The following KCNMB2 variants were observed in gnomAD, a reference collection of about 807,000 sequenced individuals.
The protein encoded by KCNMB2 is calcium-activated potassium channel subunit beta-2.
Under a neutral mutation model 24.5 loss-of-function variants are expected in KCNMB2, and 9 were observed. The ratio of observed to expected loss-of-function variants is 0.37; its 90% confidence interval spans 0.22 to 0.64. KCNMB2 has a LOEUF of 0.64. Ranked by LOEUF, KCNMB2 falls within the 30% of genes least tolerant of loss-of-function variation. The pLI, the probability that KCNMB2 is intolerant of heterozygous loss-of-function variation, is 0.63. For missense variants in KCNMB2, 226 were observed against 284.3 expected, an observed-to-expected ratio of 0.79 and a Z score of 1.47; for synonymous variants, 109 against 104.4, an observed-to-expected ratio of 1.04 and a Z score of -0.27.
At chr3:178,620,051 A>G (rs1718852525) in intron 1 of KCNMB2, among the ~76,000 whole-genome samples, 1 of 152,196 alleles carries the variant, frequency 6.6e-6, no homozygotes, top group Non-Finnish European at 1.5e-5. Flanking sequence ...ATAATGGTGG[A>G]AGATAGGCAT....
At chr3:178,732,271 GT>G (rs1294702040) in intron 1 of KCNMB2, among the ~76,000 whole-genome samples, 1 of 152,050 alleles carries the variant, frequency 6.6e-6, no homozygotes, top group African/African-American at 2.4e-5. Context: ...TCTACAGTAG[GT>G]TTTTATTATT....
intron 1 of KCNMB2, among the ~76,000 whole-genome samples, chr3:178,768,136 T>C (rs1270348396): frequency 6.6e-6 from 1 of 152,190 alleles, no homozygotes; most frequent in Non-Finnish European, 1.5e-5. Context: ...TTAGCAAATA[T>C]TTTCTAGGTA....
chr3:178,734,575 G>A (rs143732151), intron 1 of KCNMB2, among the ~76,000 whole-genome samples: 9 of 152,250 alleles, frequency 5.9e-5, no homozygotes, highest in South Asian at 2.1e-4. Flanking sequence ...CAATTCTAGC[G>A]TTACCTATTA....
At chr3:178,804,359 C>T (rs1713883295) in intron 1 of KCNMB2, among the ~76,000 whole-genome samples, 1 of 152,096 alleles carries the variant, frequency 6.6e-6, no homozygotes, top group South Asian at 2.1e-4. Flanking sequence ...TTTTAACCTG[C>T]ACAGAACCTT....
At chr3:178,738,653 G>A (rs1372449300) in intron 1 of KCNMB2, among the ~76,000 whole-genome samples, 1 of 151,932 alleles carries the variant, frequency 6.6e-6, no homozygotes, top group Non-Finnish European at 1.5e-5. Flanking sequence ...TTGACCCCAG[G>A]ACAAATTTCA....
chr3:178,588,075 T>G (rs1717523063), intron 1 of KCNMB2, among the ~76,000 whole-genome samples: 1 of 152,100 alleles, frequency 6.6e-6, no homozygotes, highest in Non-Finnish European at 1.5e-5. Flanking sequence ...GAACTCATCA[T>G]TTTTTATGGC....
At chr3:178,681,863 G>C (rs921103512) in intron 1 of KCNMB2, among the ~76,000 whole-genome samples, 10 of 152,114 alleles carry the variant, frequency 6.6e-5, no homozygotes, top group Admixed American at 6.5e-4. Context: ...TATTATAGTG[G>C]ACTTATGGAA....
intron 1 of KCNMB2, among the ~76,000 whole-genome samples, chr3:178,785,775 CAT>C (rs1393280048): frequency 6.6e-6 from 1 of 152,006 alleles, no homozygotes; most frequent in Non-Finnish European, 1.5e-5. Flanking sequence ...AAAGTTAAAA[CAT>C]TGGCATGTTA....
chr3:178,703,483 C>A lies in KCNMB2; in HGVS notation c.-67-103860C>A, dbSNP rs573511884. Among the ~76,000 whole-genome samples the A allele has an allele frequency of 1.2e-3, 183 of 150,754 alleles. 4 individuals carry two copies. Among genetic ancestry groups the A allele is most frequent in the African/African-American group, 4.4e-3 (178 of 40,600 alleles). On this transcript the variant is annotated intron_variant, in intron 1 of 4. Transcript: ENST00000452583. ...TTTCAGTCAGGGGATGATATGGAGA[C>A]CCTGGTAAGTCCCATTCAGGCACCC...
Position 178,843,110 on chromosome 3 carries a change from T to G in KCNMB2, c.*173T>G. 1.5e-6 allele frequency: 1 copy of G among 680,152 alleles called. No homozygotes were observed. The highest frequency in any genetic ancestry group is 1.6e-5 in the South Asian group (1 of 64,192). 42.1% of individuals were successfully genotyped at this position (680,152 alleles called of 1,614,324 possible). On this transcript the variant is annotated 3_prime_UTR_variant, in exon 5 of 5. Coordinates refer to ENST00000452583, the MANE Select transcript of KCNMB2 (RefSeq NM_181361.3). ...CTATATGCAAACATGATGTCTTTAT[T>G]ATTCAGGAGAATAAATAACTGTTTT...
At chr3:178,838,097 G>T (rs2108477116) in intron 4 of KCNMB2, among the ~76,000 whole-genome samples, 1 of 152,206 alleles carries the variant, frequency 6.6e-6, no homozygotes, top group African/African-American at 2.4e-5. Flanking sequence ...TGGTTTGTCT[G>T]TTATTTTTTA....
At chr3:178,591,492 A>T (rs1717671911) in intron 1 of KCNMB2, among the ~76,000 whole-genome samples, 1 of 152,134 alleles carries the variant, frequency 6.6e-6, no homozygotes, top group Admixed American at 6.6e-5. Flanking sequence ...AAGCCTTCTC[A>T]GGAGGAGGGA....
In KCNMB2 at chr3:178,679,235, A is replaced by AT. The variant is rs1374720190; in HGVS notation, c.-67-128102dup. On this transcript the variant is annotated intron_variant, in intron 1 of 4. Transcript: ENST00000452583. Reference sequence around the variant, plus strand: ...GGGCTCAATTCTCAATTTCTCCTTTATTTTTTCTTTTTAGAGATAGGCTCT... The same window carrying AT: ...GGGCTCAATTCTCAATTTCTCCTTTATTTTTTTCTTTTTAGAGATAGGCTCT... Among the ~76,000 whole-genome samples the AT allele has an allele frequency of 4.6e-5, 7 of 151,392 alleles. 1 individual carries two copies. The highest frequency in any genetic ancestry group is 4.6e-4 in the Admixed American group (7 of 15,206).
intron 2 of KCNMB2, among the ~76,000 whole-genome samples, chr3:178,814,884 G>A (rs1714342327): frequency 6.6e-6 from 1 of 152,096 alleles, no homozygotes; most frequent in Non-Finnish European, 1.5e-5. Flanking sequence ...TTTGTCAGGT[G>A]CAGAGCTTGC....
chr3:178,681,156 G>A (rs1476135939), intron 1 of KCNMB2, among the ~76,000 whole-genome samples: 1 of 152,192 alleles, frequency 6.6e-6, no homozygotes, highest in African/African-American at 2.4e-5. Context: ...CTGGGAGTCA[G>A]AGGCCAGAAC....
rs1180967113 is a variant in KCNMB2, at chr3:178,616,602, C to T, written c.-68+79891C>T. Among the ~76,000 whole-genome samples the T allele has an allele frequency of 2.0e-5, 3 of 152,182 alleles. 1 individual carries two copies. Among genetic ancestry groups the T allele is most frequent in the Admixed American group, 1.3e-4 (2 of 15,280 alleles). On this transcript the variant is annotated intron_variant, in intron 1 of 4. Transcript: ENST00000452583. ...TTTTTCTTTTCTGCAATGCCTCTTTCAGTGACACAAAGTTAAAACCAGGTA... is the reference window on the plus strand; with the variant it reads ...TTTTTCTTTTCTGCAATGCCTCTTTTAGTGACACAAAGTTAAAACCAGGTA...
At chr3:178,711,810 T>G (rs903864002) in intron 1 of KCNMB2, among the ~76,000 whole-genome samples, 2 of 152,258 alleles carry the variant, frequency 1.3e-5, no homozygotes, top group Non-Finnish European at 2.9e-5. Flanking sequence ...GGACTGGTTT[T>G]GGATAAGATG....
intron 1 of KCNMB2, among the ~76,000 whole-genome samples, chr3:178,756,259 T>C (rs1724035399): frequency 6.6e-6 from 1 of 151,742 alleles, no homozygotes; most frequent in Admixed American, 6.6e-5. Context: ...TGTGTATGCG[T>C]GTGTGTGTGT....
At chr3:178,830,783 TTTC>T (rs1317733255) in intron 4 of KCNMB2, among the ~76,000 whole-genome samples, 1 of 152,192 alleles carries the variant, frequency 6.6e-6, no homozygotes, top group African/African-American at 2.4e-5. Flanking sequence ...TGTGGAATTG[TTTC>T]TTCTTTACAT....
Sources: allele counts gnomAD v4.1 joint callset (sites outside exome capture counted in the v4.1 genomes callset), GRCh38; gene constraint gnomAD v4.1.1; transcripts MANE v1.5; gene names NCBI Gene and HGNC (gene_info 2026-07-23, HGNC 2026-07-21).